The following THSD7A variants were observed in gnomAD, a reference collection of about 807,000 sequenced individuals.
THSD7A encodes the protein thrombospondin type-1 domain-containing protein 7A.
Under a neutral mutation model 231.3 loss-of-function variants are expected in THSD7A, and 96 were observed. The observed-to-expected ratio is 0.41, with a 90% CI of 0.35 to 0.49. The LOEUF (loss-of-function observed/expected upper bound fraction) is 0.49. Ranked by LOEUF, THSD7A falls within the 20% of genes least tolerant of loss-of-function variation. THSD7A has a pLI of 0.05. For synonymous variants in THSD7A, 940 were observed against 743.3 expected, an observed-to-expected ratio of 1.26 and a Z score of -4.30; for missense variants, 2,290 against 2,070.2, an observed-to-expected ratio of 1.11 and a Z score of -2.06.
At chr7:11,759,780 T>G (rs542097240) in intron 1 of THSD7A, among the ~76,000 whole-genome samples, 1 of 152,208 alleles carries the variant, frequency 6.6e-6, no homozygotes, top group Non-Finnish European at 1.5e-5. Context: ...GGCAAAGCAG[T>G]CTTTCATAAC....
At chr7:11,463,359 A>G (rs999549182) in intron 9 of THSD7A, among the ~76,000 whole-genome samples, 4 of 152,150 alleles carry the variant, frequency 2.6e-5, no homozygotes, top group Non-Finnish European at 5.9e-5. Context: ...CTGACTTCAT[A>G]GGAGAATCTC....
chr7:11,677,584 CAAAAAAAAAAAAA>C (rs553030554), intron 1 of THSD7A, among the ~76,000 whole-genome samples: 2,976 of 22,414 alleles, frequency 0.13, 59 homozygotes, highest in Middle Eastern at 0.42. Context: ...AAATGGAAAG[CAAAAAAAAAAAAA>C]AAAAAAAAAA....
intron 1 of THSD7A, among the ~76,000 whole-genome samples, chr7:11,805,839 G>T (rs1021553912): frequency 6.6e-6 from 1 of 151,942 alleles, no homozygotes; most frequent in Non-Finnish European, 1.5e-5. Flanking sequence ...ATATGGCTCA[G>T]TTATTTTATA....
intron 1 of THSD7A, among the ~76,000 whole-genome samples, chr7:11,678,473 G>A (rs1429538856): frequency 1.3e-5 from 2 of 152,026 alleles, no homozygotes; most frequent in African/African-American, 4.8e-5. Flanking sequence ...GAAGAAAAGA[G>A]AGAAGAATCA....
chr7:11,815,367 T>C (rs1056082909), intron 1 of THSD7A, among the ~76,000 whole-genome samples: 4 of 152,074 alleles, frequency 2.6e-5, no homozygotes, highest in Non-Finnish European at 4.4e-5. Context: ...AAGAGATCAG[T>C]ATAGCCAGCC....
At chr7:11,580,441 A>C (rs1192990300) in intron 4 of THSD7A, among the ~76,000 whole-genome samples, 1 of 152,168 alleles carries the variant, frequency 6.6e-6, no homozygotes, top group Non-Finnish European at 1.5e-5. Context: ...GGTCAGTCTA[A>C]ACTCCAAGTA....
At chr7:11,816,775 C>A (rs1034003000) in intron 1 of THSD7A, among the ~76,000 whole-genome samples, 3 of 152,020 alleles carry the variant, frequency 2.0e-5, no homozygotes, top group Non-Finnish European at 4.4e-5. Flanking sequence ...AAAGTCACTA[C>A]TATAAATACC....
intron 4 of THSD7A, among the ~76,000 whole-genome samples, chr7:11,584,278 C>A (rs1273351893): frequency 6.6e-6 from 1 of 151,860 alleles, no homozygotes; most frequent in East Asian, 1.9e-4. Context: ...AATATATATG[C>A]AATTATTAAT....
intron 1 of THSD7A, among the ~76,000 whole-genome samples, chr7:11,717,306 C>A (rs963389058): frequency 6.6e-5 from 10 of 151,686 alleles, no homozygotes; most frequent in African/African-American, 2.4e-5. Flanking sequence ...GGGATTCTCC[C>A]TTAAGTGATC....
intron 1 of THSD7A, among the ~76,000 whole-genome samples, chr7:11,687,822 G>A (rs1780104802): frequency 6.6e-6 from 1 of 151,706 alleles, no homozygotes. Context: ...CTCAGCGGGA[G>A]AGCTTCTCAA....
intron 1 of THSD7A, among the ~76,000 whole-genome samples, chr7:11,822,927 C>G (rs1050524368): frequency 6.6e-6 from 1 of 151,982 alleles, no homozygotes; most frequent in Non-Finnish European, 1.5e-5. Context: ...TTGATTATTT[C>G]TTTTGGTGTG....
chr7:11,589,292 C>A (rs1365412133), intron 4 of THSD7A, among the ~76,000 whole-genome samples: 1 of 152,126 alleles, frequency 6.6e-6, no homozygotes, highest in African/African-American at 2.4e-5. Flanking sequence ...CTGCCAAATA[C>A]AACACGCCCA....
At chr7:11,635,815 AT>A (rs1000391956) in intron 2 of THSD7A, among the ~76,000 whole-genome samples, 20 of 151,728 alleles carry the variant, frequency 1.3e-4, no homozygotes, top group East Asian at 9.7e-4. Flanking sequence ...CCCCTAAGCA[AT>A]TTTTTTTTCT....
At position 11,621,467 on chromosome 7, in the gene THSD7A, C is replaced by T. The variant is rs1282923196; in HGVS notation, c.1022+14663G>A. On this transcript the variant is annotated intron_variant, in intron 2 of 27. Coordinates refer to ENST00000423059, the MANE Select transcript of THSD7A (RefSeq NM_015204.3). ...AACTATTTCTCCAGAATTTCCAACA[C>T]AATCCTCATTTTCATATTTTATTTT... Among the ~76,000 whole-genome samples, 4 of 152,266 alleles carry T rather than the reference C, an allele frequency of 2.6e-5. No individual in the cohort carries two copies. The East Asian group carries it at 7.7e-4, about 29-fold the overall frequency.
At chr7:11,434,429 C>T (rs1339782060) in intron 13 of THSD7A, among the ~76,000 whole-genome samples, 1 of 152,072 alleles carries the variant, frequency 6.6e-6, no homozygotes, top group Non-Finnish European at 1.5e-5. Flanking sequence ...CTTTGAGATA[C>T]ACACAATCAC....
intron 1 of THSD7A, among the ~76,000 whole-genome samples, chr7:11,696,981 A>G (rs1479549574): frequency 6.6e-6 from 1 of 151,432 alleles, no homozygotes; most frequent in African/African-American, 2.4e-5. Flanking sequence ...TTCTGTGGAG[A>G]ATATCAAACC....
At chr7:11,747,254 A>G (rs1435158088) in intron 1 of THSD7A, among the ~76,000 whole-genome samples, 1 of 151,996 alleles carries the variant, frequency 6.6e-6, no homozygotes, top group Admixed American at 6.6e-5. Flanking sequence ...AATCACTTTT[A>G]TTCATGGTTC....
intron 23 of THSD7A, chr7:11,385,772 G>A (rs887844411): frequency 2.6e-5 from 4 of 151,882 alleles, no homozygotes; most frequent in Non-Finnish European, 5.9e-5. Context: ...AGTAACTGGG[G>A]GTTTGTTACA....
intron 1 of THSD7A, among the ~76,000 whole-genome samples, chr7:11,797,552 G>T (rs1473352551): frequency 6.6e-6 from 1 of 151,422 alleles, no homozygotes; most frequent in Admixed American, 6.6e-5. Context: ...GAGTAACTGG[G>T]ACTACAGATG....
Sources: allele counts gnomAD v4.1 joint callset (sites outside exome capture counted in the v4.1 genomes callset), GRCh38; gene constraint gnomAD v4.1.1; transcripts MANE v1.5; gene names NCBI Gene and HGNC (gene_info 2026-07-23, HGNC 2026-07-21).